RNASE6: variants seen among roughly 807,000 people sequenced by gnomAD.
The protein encoded by RNASE6 is ribonuclease A family member 6, also known as ribonuclease K6.
For synonymous variants in RNASE6, 64 were observed against 63.6 expected, an observed-to-expected ratio of 1.01 and a Z score of -0.03; for missense variants, 197 against 181.9, an observed-to-expected ratio of 1.08 and a Z score of -0.48.
In RNASE6 at chr14:20,782,118, A is replaced by C; in HGVS notation, c.419A>C (p.Lys140Thr). Reference protein sequence around the residue: ...DPPQKSDPPYKLVPVHLDSIL With the variant: ...DPPQKSDPPYTLVPVHLDSIL ...CCTCAGAAGAGCGATCCCCCCTACA[A>C]GTTGGTTCCTGTACACTTAGATAGT... The change falls in exon 2 of 2, where the codon AAG becomes ACG. Residue 140 changes from lysine to threonine, a missense_variant. Physicochemically the swap from Lys to Thr is moderately conservative, Grantham distance 78 (BLOSUM62 -1). Coordinates refer to ENST00000304677, the MANE Select transcript of RNASE6 (RefSeq NM_005615.5). 1 of 1,611,158 alleles carries C rather than the reference A, an allele frequency of 6.2e-7. No homozygotes were observed. The highest frequency in any genetic ancestry group is 1.7e-5 in the Admixed American group (1 of 59,782).
intron 1 of RNASE6, 148 bp downstream of exon 1, chr14:20,781,486 G>A (rs1467344044): frequency 3.7e-6 from 2 of 540,180 alleles, no homozygotes; most frequent in East Asian, 3.1e-5. Flanking sequence ...ACTTGTGAAA[G>A]AAAATGGGAT....
Position 20,781,350 on chromosome 14 carries a change from A to G in RNASE6, c.-6+12A>G, listed in dbSNP as rs60909508. The G allele has an allele frequency of 4.0e-3, 862 of 213,218 alleles. 8 individuals are homozygous for G. Among genetic ancestry groups the G allele is most frequent in the African/African-American group, 0.017 (752 of 42,996 alleles). 13.2% of individuals were successfully genotyped at this position (213,218 alleles called of 1,614,324 possible). On this transcript the variant is annotated intron_variant, in intron 1 of 1. Transcript: ENST00000304677. ...AACACTGAGACCAGGTAAGAAAGAAAGCCTCAGGGCTGGAGCGAGTAGAGC... is the reference window on the plus strand; with the variant it reads ...AACACTGAGACCAGGTAAGAAAGAAGGCCTCAGGGCTGGAGCGAGTAGAGC...
rs1410308266 is a variant in RNASE6, at chr14:20,782,094, C to G, written c.395C>G (p.Pro132Arg). The change falls in exon 2 of 2, where the codon CCT (proline) becomes CGT (arginine). Residue 132 changes from proline (P) to arginine (R), a missense_variant. Pro to Arg is a moderately radical substitution (Grantham distance 103, BLOSUM62 -2). Coordinates refer to ENST00000304677, the MANE Select transcript of RNASE6 (RefSeq NM_005615.5). ...TTCTTCATTGTTGCCTGTGACCCCC[C>G]TCAGAAGAGCGATCCCCCCTACAAG... ...YKFFIVACDP[P>R]QKSDPPYKLV... The G allele has an allele frequency of 1.4e-5, 22 of 1,613,692 alleles. No individual in the cohort carries two copies. The highest frequency in any genetic ancestry group is 1.8e-5 in the Non-Finnish European group (21 of 1,179,808).
chr14:20,781,518 A>G (rs1365353231), intron 1 of RNASE6, among the ~76,000 whole-genome samples, 177 bp from the exon 2 acceptor site: 1 of 152,344 alleles, frequency 6.6e-6, no homozygotes, highest in Non-Finnish European at 1.5e-5. Context: ...AGGAGAGGTC[A>G]TATTTCTGTT....
At position 20,782,218 on chromosome 14, in the gene RNASE6, C is replaced by A; in HGVS notation, c.*66C>A. Reference sequence around the variant, plus strand: ...TACAATTGCATCCATGTTTTCTTTTCTTTTGTTGATTTTCTTGTTCCCGTA... The same window carrying A: ...TACAATTGCATCCATGTTTTCTTTTATTTTGTTGATTTTCTTGTTCCCGTA... On this transcript the variant is annotated 3_prime_UTR_variant, in exon 2 of 2. Transcript: ENST00000304677. 7.0e-7 allele frequency: 1 copy of A among 1,419,934 alleles called. No individual in the cohort carries two copies. Among genetic ancestry groups the A allele is most frequent in the Non-Finnish European group, 9.5e-7 (1 of 1,049,578 alleles). 88.0% of individuals were successfully genotyped at this position (1,419,934 alleles called of 1,614,324 possible).
chr14:20,781,590 A>C (rs1490367751), intron 1 of RNASE6, 105 bp from the exon 2 acceptor site: 1 of 801,840 alleles, frequency 1.2e-6, no homozygotes, highest in African/African-American at 1.7e-5. Context: ...TTTTAAAGGG[A>C]GCTGTAAAAT....
At chr14:20,781,604 A>G in intron 1 of RNASE6, 91 bp from the exon 2 acceptor site, 2 of 1,032,156 alleles carry the variant, frequency 1.9e-6, no homozygotes, top group Non-Finnish European at 2.7e-6. Context: ...GTAAAATCTT[A>G]AAAGGCAAAA....
intron 1 of RNASE6, 116 bp from the exon 2 acceptor site, chr14:20,781,579 A>G: frequency 1.3e-6 from 1 of 762,156 alleles, no homozygotes; most frequent in Non-Finnish European, 2.0e-6. Context: ...GAGAAAGAAG[A>G]TTTTAAAGGG....
rs371578337 is a variant in RNASE6 at position 20,781,984 on chromosome 14, C to T, written c.285C>T (p.Ser95=). ...ATCGTCGGCACAACTGCCACCAGAG[C>T]TCAAAGCCTGTCAACATGACTGACT... ...CKNRRHNCHQ[S]SKPVNMTDCR... is the part of the protein sequence containing the mutation. The change falls in exon 2 of 2, where the codon AGC becomes AGT. Residue 95 remains serine, a synonymous_variant. Transcript: ENST00000304677. 179 of 1,614,104 alleles carry T rather than the reference C, an allele frequency of 1.1e-4. No individual in the cohort carries two copies. The highest frequency in any genetic ancestry group is 1.5e-4 in the Non-Finnish European group (172 of 1,180,036).
Position 20,782,224 on chromosome 14 carries a change from T to C in RNASE6, c.*72T>C. 1 of 1,393,080 alleles carries C rather than the reference T, an allele frequency of 7.2e-7. No individual in the cohort carries two copies. Among genetic ancestry groups the C allele is most frequent in the Non-Finnish European group, 9.8e-7 (1 of 1,024,720 alleles). The allele number at this position is 1,393,080 out of a possible 1,614,324, so 86.3% of individuals were successfully genotyped here. A position where few individuals can be genotyped will look rare whatever the true frequency, so the allele number is the denominator to read the frequency against. On this transcript the variant is annotated 3_prime_UTR_variant, in exon 2 of 2. Coordinates refer to ENST00000304677, the MANE Select transcript of RNASE6 (RefSeq NM_005615.5). ...TGCATCCATGTTTTCTTTTCTTTTG[T>C]TGATTTTCTTGTTCCCGTAGAAGAA...
intron 1 of RNASE6, 100 bp from the exon 2 acceptor site, chr14:20,781,595 T>TA: frequency 1.1e-6 from 1 of 925,272 alleles, no homozygotes; most frequent in Non-Finnish European, 1.6e-6. Context: ...AAGGGAGCTG[T>TA]AAAATCTTAA....
chr14:20,781,584 A>T, intron 1 of RNASE6, 111 bp from the exon 2 acceptor site: 1 of 785,776 alleles, frequency 1.3e-6, no homozygotes, highest in East Asian at 2.7e-5. Context: ...AGAAGATTTT[A>T]AAGGGAGCTG....
At position 20,782,198 on chromosome 14, in the gene RNASE6, T is replaced by C. The variant is rs746933051; in HGVS notation, c.*46T>C. On this transcript the variant is annotated 3_prime_UTR_variant, in exon 2 of 2. Transcript: ENST00000304677. ...TCATTTGACATAGCTTCTGTTACAATTGCATCCATGTTTTCTTTTCTTTTG... is the reference window on the plus strand; with the variant it reads ...TCATTTGACATAGCTTCTGTTACAACTGCATCCATGTTTTCTTTTCTTTTG... 17 of 1,458,094 alleles carry C rather than the reference T, an allele frequency of 1.2e-5. No homozygotes were observed. In the East Asian group the frequency reaches 2.3e-4, roughly 20 times the overall value. 90.3% of individuals were successfully genotyped at this position (1,458,094 alleles called of 1,614,324 possible).
At position 20,782,112 on chromosome 14, in the gene RNASE6, C is replaced by A. The variant is rs199597118; in HGVS notation, c.413C>A (p.Pro138His). The A allele has an allele frequency of 1.9e-6, 3 of 1,612,084 alleles. No homozygotes were observed. The highest frequency in any genetic ancestry group is 2.2e-5 in the East Asian group (1 of 44,862). The change falls in exon 2 of 2, where the codon CCC becomes CAC. Residue 138 changes from proline to histidine, a missense_variant. By Grantham distance (77) the Pro-to-His change is moderately conservative. Transcript: ENST00000304677. ...ACDPPQKSDP[P>H]YKLVPVHLDS... ...GACCCCCCTCAGAAGAGCGATCCCC[C>A]CTACAAGTTGGTTCCTGTACACTTA... is the stretch of plus-strand genomic sequence containing the variant.
Position 20,781,915 on chromosome 14 carries a change from G to C in RNASE6, c.216G>C (p.Gln72His). Reference protein sequence around the residue: ...HQNTFLHDSFQNVAAVCDLLS... With the variant: ...HQNTFLHDSFHNVAAVCDLLS... ...ATACCTTTCTGCATGACTCTTTCCAGAATGTGGCTGCTGTCTGTGATTTGC... is the reference window on the plus strand; with the variant it reads ...ATACCTTTCTGCATGACTCTTTCCACAATGTGGCTGCTGTCTGTGATTTGC... The change falls in exon 2 of 2, where the codon CAG (glutamine) becomes CAC (histidine). Residue 72 changes from glutamine to histidine, a missense_variant. Transcript: ENST00000304677. 1 of 1,614,202 alleles carries C rather than the reference G, an allele frequency of 6.2e-7. No homozygotes were observed. The highest frequency in any genetic ancestry group is 8.5e-7 in the Non-Finnish European group (1 of 1,180,036).
upstream of RNASE6, chr14:20,781,079 G>T (rs910440122): frequency 1.3e-5 from 2 of 152,244 alleles, no homozygotes; most frequent in African/African-American, 4.8e-5. Flanking sequence ...TCTTTAAGTT[G>T]GTTTAGCCTT....
At chr14:20,781,487 A>T (rs1170608817) in intron 1 of RNASE6, 149 bp downstream of exon 1, 1 of 541,978 alleles carries the variant, frequency 1.8e-6, no homozygotes, top group African/African-American at 1.9e-5. Flanking sequence ...CTTGTGAAAG[A>T]AAATGGGATA....
Position 20,781,824 on chromosome 14 carries a change from G to A in RNASE6, c.125G>A (p.Ser42Asn). ...TTTGAAATTCAGCATATACAGCCAA[G>A]TCCTCTCCAATGCAACAGGGCAATG... Reference protein sequence around the residue: ...HWFEIQHIQPSPLQCNRAMSG... With the variant: ...HWFEIQHIQPNPLQCNRAMSG... The change falls in exon 2 of 2, where the codon AGT (serine) becomes AAT (asparagine). Residue 42 changes from serine (S) to asparagine (N), a missense_variant. Ser to Asn is a conservative substitution (Grantham distance 46). Transcript: ENST00000304677. The A allele has an allele frequency of 6.2e-7, 1 of 1,614,158 alleles. No individual in the cohort carries two copies. Among genetic ancestry groups the A allele is most frequent in the Non-Finnish European group, 8.5e-7 (1 of 1,180,030 alleles).
chr14:20,781,550 T>C (rs929014011), intron 1 of RNASE6, 145 bp from the exon 2 acceptor site: 6 of 634,446 alleles, frequency 9.5e-6, no homozygotes, highest in African/African-American at 9.2e-5. Context: ...AGGTTCTTCA[T>C]AGAATTGTGA....
Sources: gnomAD v4.1 joint callset for allele counts (sites outside exome capture counted in the v4.1 genomes callset) on GRCh38, gnomAD v4.1.1 for gene constraint, MANE v1.5 for transcripts, NCBI Gene and HGNC (gene_info 2026-07-23, HGNC 2026-07-21) for gene names.